Variants in STK32B observed in about 807,000 individuals in gnomAD.
STK32B encodes serine/threonine kinase 32B, also known as serine/threonine-protein kinase 32B.
A neutral mutation model predicts 52.6 loss-of-function variants in STK32B; 43 were observed. The observed-to-expected ratio is 0.82, with a 90% CI of 0.64 to 1.05. The LOEUF (loss-of-function observed/expected upper bound fraction) is 1.05, where lower values mean the gene tolerates loss of function less well. Ranked by LOEUF, STK32B falls within the 50% of genes least tolerant of loss-of-function variation. The pLI is 0.00. For missense variants in STK32B, 621 were observed against 534.6 expected, an observed-to-expected ratio of 1.16 and a Z score of -1.59; for synonymous variants, 238 against 204.3, an observed-to-expected ratio of 1.17 and a Z score of -1.41.
intron 6 of STK32B, among the ~76,000 whole-genome samples, chr4:5,443,959 C>T (rs552206876): frequency 6.6e-6 from 1 of 152,360 alleles, no homozygotes; most frequent in East Asian, 1.9e-4. Flanking sequence ...TCTGCCAGTT[C>T]TCAGATCTCC....
chr4:5,199,764 C>T (rs1351581989), intron 3 of STK32B, among the ~76,000 whole-genome samples: 1 of 151,876 alleles, frequency 6.6e-6, no homozygotes, highest in Non-Finnish European at 1.5e-5. Flanking sequence ...TTCTCCCACC[C>T]CCGCCCACCT....
chr4:5,209,952 C>A (rs564903675), intron 3 of STK32B, among the ~76,000 whole-genome samples: 1 of 152,158 alleles, frequency 6.6e-6, no homozygotes, highest in East Asian at 1.9e-4. Context: ...TTTCCTGTTG[C>A]TGACACAGGG....
intron 7 of STK32B, among the ~76,000 whole-genome samples, chr4:5,451,110 G>A (rs898008175): frequency 4.6e-5 from 7 of 152,148 alleles, no homozygotes; most frequent in East Asian, 1.9e-4. Flanking sequence ...GGGCATAGGC[G>A]GTGTCTGGCA....
At chr4:5,387,472 G>A (rs927134646) in intron 4 of STK32B, among the ~76,000 whole-genome samples, 45 of 152,302 alleles carry the variant, frequency 3.0e-4, no homozygotes, top group African/African-American at 1.0e-3. Flanking sequence ...GCAACCTGGT[G>A]CACCCAGGGC....
At chr4:5,168,876 C>T (rs886579519) in intron 3 of STK32B, among the ~76,000 whole-genome samples, 8 of 152,156 alleles carry the variant, frequency 5.3e-5, no homozygotes, top group Admixed American at 4.6e-4. Flanking sequence ...GTACCAAATT[C>T]GGAATTCTCT....
chr4:5,359,249 C>G (rs1734384983), intron 4 of STK32B, among the ~76,000 whole-genome samples: 1 of 152,124 alleles, frequency 6.6e-6, no homozygotes, highest in South Asian at 2.1e-4. Flanking sequence ...ACTTGCTGTT[C>G]TATTCCTCAT....
At chr4:5,282,227 T>C (rs1464242206) in intron 3 of STK32B, among the ~76,000 whole-genome samples, 1 of 152,106 alleles carries the variant, frequency 6.6e-6, no homozygotes, top group Non-Finnish European at 1.5e-5. Context: ...TATATATTGT[T>C]TTTTACCTAT....
intron 4 of STK32B, among the ~76,000 whole-genome samples, chr4:5,375,461 T>C (rs1735527351): frequency 6.6e-6 from 1 of 152,224 alleles, no homozygotes; most frequent in Admixed American, 6.5e-5. Flanking sequence ...CTTTTTACCC[T>C]GCTTTCTGAG....
intron 3 of STK32B, among the ~76,000 whole-genome samples, chr4:5,187,229 C>T (rs1298963344): frequency 6.6e-6 from 1 of 152,204 alleles, no homozygotes; most frequent in African/African-American, 2.4e-5. Context: ...CGCACCACAA[C>T]ACAGCACCTT....
chr4:5,361,903 C>G (rs1734571637), intron 4 of STK32B, among the ~76,000 whole-genome samples: 1 of 152,162 alleles, frequency 6.6e-6, no homozygotes, highest in Non-Finnish European at 1.5e-5. Flanking sequence ...ACATATAAAA[C>G]ATAATGTCAA....
At chr4:5,478,695 C>T (rs564257459) in intron 11 of STK32B, among the ~76,000 whole-genome samples, 9 of 152,298 alleles carry the variant, frequency 5.9e-5, no homozygotes, top group Admixed American at 5.2e-4. Context: ...TGGGTAGAGA[C>T]GCCACAGAGG....
At chr4:5,221,723 G>A (rs547007290) in intron 3 of STK32B, among the ~76,000 whole-genome samples, 10 of 151,928 alleles carry the variant, frequency 6.6e-5, no homozygotes, top group African/African-American at 9.7e-5. Context: ...AGGTGTGGTC[G>A]TGTGTGCCTG....
At chr4:5,123,806 G>A (rs1715201537) in intron 1 of STK32B, among the ~76,000 whole-genome samples, 1 of 151,496 alleles carries the variant, frequency 6.6e-6, no homozygotes, top group African/African-American at 2.4e-5. Flanking sequence ...CAGCACATGA[G>A]TTTTGGGGGG....
intron 3 of STK32B, among the ~76,000 whole-genome samples, chr4:5,319,985 A>G (rs1445682530): frequency 1.3e-5 from 2 of 152,178 alleles, no homozygotes; most frequent in African/African-American, 2.4e-5. Context: ...TCTAGCTGCA[A>G]GGGAGTCTGT....
chr4:5,347,703 G>T (rs1477738090), intron 4 of STK32B, among the ~76,000 whole-genome samples: 1 of 152,154 alleles, frequency 6.6e-6, no homozygotes, highest in African/African-American at 2.4e-5. Flanking sequence ...GATCATGGGG[G>T]TGGATTTCCT....
At chr4:5,458,903 C>G (rs966394901) in intron 8 of STK32B, 10 of 152,150 alleles carry the variant, frequency 6.6e-5, no homozygotes, top group Non-Finnish European at 1.3e-4. Flanking sequence ...TCTTATAAGT[C>G]AGTGTCTCTT....
chr4:5,471,733 T>C (rs1157157335), intron 11 of STK32B, among the ~76,000 whole-genome samples: 1 of 152,136 alleles, frequency 6.6e-6, no homozygotes, highest in Non-Finnish European at 1.5e-5. Flanking sequence ...GTTTGGAATC[T>C]TGCGCAGGAG....
intron 2 of STK32B, among the ~76,000 whole-genome samples, chr4:5,160,477 C>T (rs1718353673): frequency 6.6e-6 from 1 of 152,136 alleles, no homozygotes; most frequent in Non-Finnish European, 1.5e-5. Context: ...CCCCTCCCCA[C>T]ACCTCTGTCC....
At chr4:5,441,763 A>C (rs1207751397) in intron 6 of STK32B, among the ~76,000 whole-genome samples, 1 of 143,210 alleles carries the variant, frequency 7.0e-6, no homozygotes, top group East Asian at 2.1e-4. Flanking sequence ...TTCCCTCTAC[A>C]CACTGCTTTG....
Sources: allele counts gnomAD v4.1 joint callset (sites outside exome capture counted in the v4.1 genomes callset), GRCh38; gene constraint gnomAD v4.1.1; transcripts MANE v1.5; gene names NCBI Gene and HGNC (gene_info 2026-07-23, HGNC 2026-07-21).